The following TEP1 variants were observed in gnomAD, a reference collection of about 807,000 sequenced individuals.
The protein encoded by TEP1 is telomerase protein component 1.
A neutral mutation model predicts 306.3 loss-of-function variants in TEP1; 241 were observed. The observed-to-expected ratio is 0.79, with a 90% CI of 0.71 to 0.88. The LOEUF is 0.88. Ranked by LOEUF, TEP1 falls within the 40% of genes least tolerant of loss-of-function variation. The pLI, the probability that TEP1 is intolerant of heterozygous loss-of-function variation, is 0.00. For synonymous variants in TEP1, 1,289 were observed against 1,305.5 expected, an observed-to-expected ratio of 0.99 and a Z score of 0.27; for missense variants, 3,051 against 3,276.1, an observed-to-expected ratio of 0.93 and a Z score of 1.68.
rs1879343172 is a variant in TEP1, at chr14:20,408,129, A to C, written c.311T>G (p.Ile104Ser). The C allele has an allele frequency of 6.2e-7, 1 of 1,609,950 alleles. No individual in the cohort carries two copies. The highest frequency in any genetic ancestry group is 8.5e-7 in the Non-Finnish European group (1 of 1,177,492). ...CAGGCACCGGTTCTCCAAGGAGAGG[A>C]TGTCTGGGTGGGCAGAAACATGTCC... ...PHGHVSAHPD[I>S]LSLENRCLAT... is the part of the protein sequence containing the mutation. The change falls in exon 2 of 55, where the codon ATC becomes AGC. Residue 104 changes from isoleucine to serine, a missense_variant. Physicochemically the swap from Ile to Ser is moderately radical, Grantham distance 142 (BLOSUM62 -2). This residue lies in a region of TEP1 where 1,507 missense variants were observed against 1,550.5 expected (regional missense o/e 0.97). Transcript: ENST00000262715.
In TEP1 at chr14:20,408,370, T is replaced by A. The variant is rs986646193; in HGVS notation, c.70A>T (p.Met24Leu). The change falls in exon 2 of 55, where the codon ATG becomes TTG. Residue 24 changes from methionine to leucine, a missense_variant. Physicochemically the swap from Met to Leu is conservative, Grantham distance 15 (BLOSUM62 2). Transcript: ENST00000262715. ...TCCAAGGGCTGTAAGTCAGGGAGCA[T>A]AGCCAGGCACCGGTTCTCCAAGGAG... is the stretch of plus-strand genomic sequence containing the variant. ...ILSLENRCLA[M>L]LPDLQPLEKL... 6.2e-7 allele frequency: 1 copy of A among 1,613,902 alleles called. No individual in the cohort carries two copies. Among genetic ancestry groups the A allele is most frequent in the Non-Finnish European group, 8.5e-7 (1 of 1,180,014 alleles).
chr14:20,374,366 G>A (rs556593626), intron 44 of TEP1, 63 bp downstream of exon 44: 41 of 1,178,388 alleles, frequency 3.5e-5, no homozygotes, highest in Middle Eastern at 2.4e-4. Context: ...TCCATGCACC[G>A]TCTCCCAAAG....
chr14:20,383,840 G>A lies in TEP1; in HGVS notation c.3613C>T (p.Arg1205Cys), dbSNP rs146209972. 2.2e-5 allele frequency: 36 copies of A among 1,605,758 alleles called. No individual in the cohort carries two copies. The African/African-American group carries it at 2.7e-4, about 12-fold the overall frequency. ...SLVFFHFSGA[R>C]PDQGLALTLL... The stretch of plus-strand genomic sequence containing the variant: ...GTGAGGGCAAGACCCTGGTCAGGAC[G>A]AGCCCCAGAAAAGTGGAAGAAGACT... Residue 1205 changes from arginine to cysteine, a missense_variant, in exon 25 of 55, where the codon CGT becomes TGT. This residue lies in a region of TEP1 where 1,507 missense variants were observed against 1,550.5 expected (regional missense o/e 0.97). Coordinates refer to ENST00000262715, the MANE Select transcript of TEP1 (RefSeq NM_007110.5).
intron 51 of TEP1, among the ~76,000 whole-genome samples, chr14:20,370,257 T>A (rs1713447): frequency 6.6e-6 from 1 of 152,086 alleles, no homozygotes; most frequent in East Asian, 1.9e-4. Flanking sequence ...TATTTTTACA[T>A]GTGCATCCAC....
Position 20,375,808 on chromosome 14 carries a change from C to G in TEP1, c.6310G>C (p.Ala2104Pro), listed in dbSNP as rs1885139757. The part of the protein sequence containing the change: ...KTPVLIHSFP[A>P]CHRDWVTGCA... ...CCAGTGACCCAGTCACGGTGACAGG[C>G]AGGGAAGGAGTGGATCAAAACAGGG... The change falls in exon 43 of 55, where the codon GCC becomes CCC. Residue 2104 changes from alanine (A) to proline (P), a missense_variant. Ala to Pro is a conservative substitution (Grantham distance 27, BLOSUM62 -1). Around this residue, in one of 3 missense-constraint regions of TEP1, gnomAD observed 1,540 missense variants for 1,705.9 expected, o/e 0.90. Coordinates refer to ENST00000262715, the MANE Select transcript of TEP1 (RefSeq NM_007110.5). 6.2e-7 allele frequency: 1 copy of G among 1,613,664 alleles called. No individual in the cohort carries two copies.
chr14:20,390,904 T>C (rs753374801), intron 14 of TEP1, 34 bp downstream of exon 14: 1 of 1,613,452 alleles, frequency 6.2e-7, no homozygotes, highest in Non-Finnish European at 8.5e-7. Context: ...GTGTCCTTCA[T>C]GTATTTTTGG....
intron 11 of TEP1, 41 bp downstream of exon 11, chr14:20,395,818 A>C: frequency 1.3e-6 from 2 of 1,586,426 alleles, no homozygotes; most frequent in South Asian, 1.1e-5. Flanking sequence ...TTATTGTCAG[A>C]TGTGGGAGGC....
chr14:20,373,198 A>C (rs946712726), intron 47 of TEP1, 51 bp from the exon 48 acceptor site: 2 of 1,613,142 alleles, frequency 1.2e-6, no homozygotes, highest in Non-Finnish European at 1.7e-6. Flanking sequence ...TGCTGGGATA[A>C]GAGATATCAG....
chr14:20,403,659 G>C, intron 6 of TEP1, 64 bp downstream of exon 6: 1 of 1,608,042 alleles, frequency 6.2e-7, no homozygotes, highest in East Asian at 2.2e-5. Flanking sequence ...GCATCAGCAT[G>C]CTCCCTTGTC....
At chr14:20,405,723 G>C (rs576212325) in intron 3 of TEP1, 138 bp from the exon 4 acceptor site, 1 of 1,036,394 alleles carries the variant, frequency 9.6e-7, no homozygotes, top group East Asian at 2.6e-5. Flanking sequence ...ACTTACAAAA[G>C]GGGATTAGGG....
At chr14:20,408,591 T>C in intron 1 of TEP1, 128 bp from the exon 2 acceptor site, 2 of 749,040 alleles carry the variant, frequency 2.7e-6, no homozygotes, top group Non-Finnish European at 4.2e-6. Flanking sequence ...ACCAATGTTG[T>C]TTTTCCCAGG....
chr14:20,390,778 T>C lies in TEP1; in HGVS notation c.2257-20A>G, dbSNP rs768563504. 3 of 1,613,808 alleles carry C rather than the reference T, an allele frequency of 1.9e-6. No homozygotes were observed. The highest frequency in any genetic ancestry group is 2.2e-5 in the South Asian group (2 of 91,072). Reference sequence around the variant, plus strand: ...AAACTCCTGAAGGAAAGAGACTTCATGTTATGTGGTTGCACAGTAAGCGAC... The same window carrying C: ...AAACTCCTGAAGGAAAGAGACTTCACGTTATGTGGTTGCACAGTAAGCGAC... On this transcript the variant is annotated intron_variant, in intron 14 of 54. Transcript: ENST00000262715.
At chr14:20,382,499 A>G (rs149695872) in intron 28 of TEP1, 124 bp downstream of exon 28, 67 of 1,521,130 alleles carry the variant, frequency 4.4e-5, no homozygotes, top group Non-Finnish European at 5.7e-5. Flanking sequence ...GAGGCGAGGT[A>G]TGAGGCGAGG....
At position 20,382,456 on chromosome 14, in the gene TEP1, T is replaced by C. The variant is rs566607880; in HGVS notation, c.4141-100A>G. The stretch of plus-strand genomic sequence containing the variant: ...GCAGCAGGAGGACAGTGTGGAGGAA[T>C]GAAAAAGTAAAGAACAACAGTAGGA... On this transcript the variant is annotated intron_variant, in intron 28 of 54. Coordinates refer to ENST00000262715, the MANE Select transcript of TEP1 (RefSeq NM_007110.5). 1.3e-5 allele frequency: 20 copies of C among 1,542,328 alleles called. No homozygotes were observed. In the African/African-American group the frequency reaches 2.6e-4, roughly 20 times the overall value.
chr14:20,374,605 T>G, intron 43 of TEP1, 69 bp from the exon 44 acceptor site: 1 of 1,202,172 alleles, frequency 8.3e-7, no homozygotes, highest in Middle Eastern at 2.0e-4. Flanking sequence ...ATCTGTAGTG[T>G]AGGGTGGAAG....
chr14:20,383,415 C>T, intron 26 of TEP1, 62 bp from the exon 27 acceptor site: 1 of 1,606,626 alleles, frequency 6.2e-7, no homozygotes, highest in Admixed American at 1.7e-5. Context: ...ATTGGAGAGG[C>T]CTCTCTCCTC....
intron 37 of TEP1, 47 bp from the exon 38 acceptor site, chr14:20,378,582 A>G: frequency 5.6e-6 from 9 of 1,612,368 alleles, no homozygotes; most frequent in Non-Finnish European, 7.6e-6. Context: ...GAGATGCCTG[A>G]ACTTCTCAGT....
chr14:20,389,062 C>T (rs181736834), intron 17 of TEP1, among the ~76,000 whole-genome samples, 176 bp downstream of exon 17: 105 of 151,764 alleles, frequency 6.9e-4, no homozygotes, highest in African/African-American at 2.4e-3. Flanking sequence ...GCAGGAGGAT[C>T]GCTTGAACCC....
At chr14:20,384,800 C>T in intron 21 of TEP1, 87 bp from the exon 22 acceptor site, 1 of 1,496,110 alleles carries the variant, frequency 6.7e-7, no homozygotes, top group Middle Eastern at 1.8e-4. Flanking sequence ...CTGTAATTTC[C>T]TGAAGCTCCT....
Sources: allele counts gnomAD v4.1 joint callset (sites outside exome capture counted in the v4.1 genomes callset), GRCh38; gene constraint gnomAD v4.1.1; regional missense constraint gnomAD v4.1.1; transcripts MANE v1.5; gene names NCBI Gene and HGNC (gene_info 2026-07-23, HGNC 2026-07-21).